Variants in TMEM178B observed in about 807,000 individuals in gnomAD.
TMEM178B encodes the protein transmembrane protein 178B.
Under a neutral mutation model 31.0 loss-of-function variants are expected in TMEM178B, and 5 were observed. The ratio of observed to expected loss-of-function variants is 0.16; its 90% confidence interval spans 0.08 to 0.34. The LOEUF is 0.34. Among genes scored for constraint, TMEM178B ranks in the 10% least tolerant of loss-of-function variants. TMEM178B has a pLI of 1.00. For synonymous variants in TMEM178B, 164 were observed against 164.0 expected, an observed-to-expected ratio of 1.00 and a Z score of 0.00; for missense variants, 275 against 400.3, an observed-to-expected ratio of 0.69 and a Z score of 2.67.
chr7:141,203,079 G>A (rs1489153770), intron 1 of TMEM178B, among the ~76,000 whole-genome samples: 2 of 152,140 alleles, frequency 1.3e-5, no homozygotes, highest in Non-Finnish European at 2.9e-5. Context: ...GTGATAATGC[G>A]AATGCATCTG....
At chr7:141,304,818 A>G (rs1410803447) in intron 2 of TMEM178B, among the ~76,000 whole-genome samples, 2 of 152,026 alleles carry the variant, frequency 1.3e-5, no homozygotes, top group Non-Finnish European at 2.9e-5. Flanking sequence ...CTTATTTTCC[A>G]TATCTAACTT....
chr7:141,376,182 T>G (rs765902837), intron 2 of TMEM178B, among the ~76,000 whole-genome samples: 2 of 152,236 alleles, frequency 1.3e-5, no homozygotes, highest in Admixed American at 6.5e-5. Flanking sequence ...AAATAGTCCC[T>G]GTTGATGAGG....
At chr7:141,099,001 G>T (rs1174960732) in intron 1 of TMEM178B, among the ~76,000 whole-genome samples, 1 of 152,058 alleles carries the variant, frequency 6.6e-6, no homozygotes, top group Non-Finnish European at 1.5e-5. Context: ...AAACAAACAT[G>T]TTTAGAGAAA....
At chr7:141,427,680 G>C (rs1801344892) in intron 2 of TMEM178B, among the ~76,000 whole-genome samples, 1 of 151,582 alleles carries the variant, frequency 6.6e-6, no homozygotes, top group Non-Finnish European at 1.5e-5. Context: ...CAAAAGCACA[G>C]GCAACAAAAA....
chr7:141,416,005 C>T (rs1180728615), intron 2 of TMEM178B: 1 of 152,592 alleles, frequency 6.6e-6, no homozygotes, highest in Non-Finnish European at 1.5e-5. Context: ...AAACTCTCAC[C>T]TTTCAATAGG....
intron 1 of TMEM178B, among the ~76,000 whole-genome samples, chr7:141,142,545 C>G (rs554943492): frequency 6.6e-6 from 1 of 151,998 alleles, no homozygotes; most frequent in South Asian, 2.1e-4. Context: ...GTAGCTAGGA[C>G]TACAGGTGCC....
At chr7:141,361,486 G>A (rs1434179596) in intron 2 of TMEM178B, among the ~76,000 whole-genome samples, 6 of 152,174 alleles carry the variant, frequency 3.9e-5, no homozygotes, top group Non-Finnish European at 8.8e-5. Flanking sequence ...CACTTTACAT[G>A]TTTAAAAGAT....
At chr7:141,138,143 G>A (rs1374919001) in intron 1 of TMEM178B, among the ~76,000 whole-genome samples, 4 of 151,142 alleles carry the variant, frequency 2.6e-5, no homozygotes, top group Admixed American at 6.6e-5. Context: ...CTCACTGCAA[G>A]CTCCACCTCC....
chr7:141,178,096 T>C (rs1796463077), intron 1 of TMEM178B, among the ~76,000 whole-genome samples: 1 of 152,234 alleles, frequency 6.6e-6, no homozygotes, highest in Non-Finnish European at 1.5e-5. Flanking sequence ...TTCCTTTCCA[T>C]GTTTAGTGCT....
chr7:141,235,089 A>G (rs1338109050), intron 2 of TMEM178B, among the ~76,000 whole-genome samples: 1 of 152,234 alleles, frequency 6.6e-6, no homozygotes, highest in Non-Finnish European at 1.5e-5. Flanking sequence ...GAGTATTAGC[A>G]TTCAAAGCTT....
chr7:141,201,557 T>C (rs1796877697), intron 1 of TMEM178B, among the ~76,000 whole-genome samples: 1 of 152,208 alleles, frequency 6.6e-6, no homozygotes, highest in Non-Finnish European at 1.5e-5. Context: ...TCATCTGTTT[T>C]CTGAGGTGTG....
At chr7:141,305,416 C>T (rs1798799990) in intron 2 of TMEM178B, among the ~76,000 whole-genome samples, 1 of 152,038 alleles carries the variant, frequency 6.6e-6, no homozygotes, top group Admixed American at 6.6e-5. Flanking sequence ...GCAGATTAGG[C>T]CCTGTGCTTT....
At chr7:141,217,527 C>G (rs1389888413) in intron 2 of TMEM178B, among the ~76,000 whole-genome samples, 2 of 152,158 alleles carry the variant, frequency 1.3e-5, no homozygotes, top group Non-Finnish European at 2.9e-5. Context: ...GGCACGGCAG[C>G]AGAGCCTGCC....
At chr7:141,507,865 A>G in the TMEM178B span, among the ~76,000 whole-genome samples, 1 of 152,334 alleles carries the variant, frequency 6.6e-6, no homozygotes, top group Middle Eastern at 3.4e-3. Flanking sequence ...GATCTGGCCC[A>G]CGAAACCATT....
At position 141,344,616 on chromosome 7, in the gene TMEM178B, C is replaced by CT. The variant is rs1270698923; in HGVS notation, c.497-92990dup. Reference sequence around the variant, plus strand: ...CCTTCCTTCCTTCCTTCCTTCCTTCCTTCCTTCCTTCCTCCCTTCCTTCTT... The same window carrying CT: ...CCTTCCTTCCTTCCTTCCTTCCTTCCTTTCCTTCCTTCCTCCCTTCCTTCTT... On this transcript the variant is annotated intron_variant, in intron 2 of 3. Transcript: ENST00000565468. This position sits in a 1 kb window ranked among gnomAD's most constrained non-coding sequence, Gnocchi z 4.1. Among the ~76,000 whole-genome samples, 1 of 150,664 alleles carries CT rather than the reference C, an allele frequency of 6.6e-6. No individual in the cohort carries two copies.
At position 141,194,230 on chromosome 7, in the gene TMEM178B, T is replaced by G. The variant is rs1173950679; in HGVS notation, c.383-18361T>G. 2.6e-5 allele frequency among the ~76,000 whole-genome samples: 4 copies of G among 152,174 alleles called. No homozygotes were observed. In the East Asian group the frequency reaches 7.7e-4, roughly 29 times the overall value. ...GCCTTCCCAGCAGTCCCCCAAAGTC[T>G]TATTTCAGCAATTACCCAAAAGTCC... is the stretch of plus-strand genomic sequence containing the variant. On this transcript the variant is annotated intron_variant, in intron 1 of 3. Coordinates refer to ENST00000565468, the MANE Select transcript of TMEM178B (RefSeq NM_001195278.2).
the TMEM178B span, among the ~76,000 whole-genome samples, chr7:141,498,592 A>G: frequency 1.3e-5 from 2 of 152,268 alleles, no homozygotes; most frequent in South Asian, 4.1e-4. Flanking sequence ...TCAGATGAAG[A>G]TAAGCAGCTT....
At chr7:141,412,975 GTTC>G (rs989548126) in intron 2 of TMEM178B, among the ~76,000 whole-genome samples, 2 of 152,190 alleles carry the variant, frequency 1.3e-5, no homozygotes, top group African/African-American at 4.8e-5. Context: ...GAAGTCTTTT[GTTC>G]TTCTTTAGAT....
chr7:141,181,223 T>C (rs1796523409), intron 1 of TMEM178B, among the ~76,000 whole-genome samples: 1 of 152,246 alleles, frequency 6.6e-6, no homozygotes, highest in African/African-American at 2.4e-5. Flanking sequence ...TGTTCATAAA[T>C]ACATCTTCAA....
Sources: gnomAD v4.1 joint callset for allele counts (sites outside exome capture counted in the v4.1 genomes callset) on GRCh38, gnomAD v4.1.1 for gene constraint, Gnocchi (gnomAD v3.1) non-coding constraint, MANE v1.5 for transcripts, NCBI Gene and HGNC (gene_info 2026-07-23, HGNC 2026-07-21) for gene names.